Variants in MYO16 observed in about 807,000 individuals in gnomAD.
MYO16 encodes the protein myosin XVI, also known as unconventional myosin-XVI.
MYO16 carries 94 observed loss-of-function variants against 205.3 expected under a neutral mutation model. The observed-to-expected ratio is 0.46, with a 90% CI of 0.39 to 0.54. MYO16 has a LOEUF of 0.54. Among genes scored for constraint, MYO16 ranks in the 20% least tolerant of loss-of-function variants. The probability of loss-of-function intolerance (pLI) is 0.00; values close to 1 mark genes in which losing one functional copy is unlikely to be tolerated. For missense variants in MYO16, 2,315 were observed against 2,387.5 expected (o/e 0.97, Z 0.63); for synonymous variants, 988 against 954.0 (o/e 1.04, Z -0.66).
chr13:108,952,591 T>G (rs1326327437), intron 16 of MYO16, among the ~76,000 whole-genome samples: 2 of 152,216 alleles, frequency 1.3e-5, no homozygotes, highest in Non-Finnish European at 2.9e-5. Context: ...TAAACAGTAT[T>G]AATCCATCTG....
In MYO16 at chr13:108,823,252, C is replaced by G; in HGVS notation, c.1071C>G (p.His357Gln). The G allele has an allele frequency of 6.2e-7, 1 of 1,612,058 alleles. No individual in the cohort carries two copies. Among genetic ancestry groups the G allele is most frequent in the Non-Finnish European group, 8.5e-7 (1 of 1,178,790 alleles). Residue 357 changes from histidine (H) to glutamine (Q), a missense_variant, in exon 9 of 35, where the codon CAC (histidine) becomes CAG (glutamine). His to Gln is a conservative substitution (Grantham distance 24). This residue lies in a region of MYO16 where 1,213 missense variants were observed against 1,274.4 expected (regional missense o/e 0.95). Transcript: ENST00000457511. ...AQEEPYEEII[H>Q]DLPVLSSKLS... ...AAGAGCCCTATGAAGAGATCATTCA[C>G]GATCTTCCCGTACTGTCGAGTAAGC...
At chr13:108,662,277 G>A (rs1881536396) in intron 1 of MYO16, among the ~76,000 whole-genome samples, 1 of 152,216 alleles carries the variant, frequency 6.6e-6, no homozygotes, top group South Asian at 2.1e-4. Context: ...CCAGGAGGTG[G>A]CATTTTCCAG....
chr13:109,033,255 C>T lies in MYO16; in HGVS notation c.2796+13344C>T, dbSNP rs573536168. Among the ~76,000 whole-genome samples, 5 of 152,292 alleles carry T rather than the reference C, an allele frequency of 3.3e-5. No individual in the cohort carries two copies. The South Asian group carries it at 6.2e-4, about 19-fold the overall frequency. ...AGCCTGTGAGGCAGTGCACCACTGA[C>T]AAGCATGCTGAGACCCATTAGGCTC... is the stretch of plus-strand genomic sequence containing the variant. On this transcript the variant is annotated intron_variant, in intron 23 of 34. Transcript: ENST00000457511.
chr13:109,084,444 GA>G (rs1249098863), intron 27 of MYO16, among the ~76,000 whole-genome samples: 1 of 152,086 alleles, frequency 6.6e-6, no homozygotes, highest in Non-Finnish European at 1.5e-5. Flanking sequence ...AATTAGAAAT[GA>G]AAATAAGAAA....
At chr13:108,955,505 G>A (rs1883314082) in intron 16 of MYO16, among the ~76,000 whole-genome samples, 1 of 152,096 alleles carries the variant, frequency 6.6e-6, no homozygotes, top group South Asian at 2.1e-4. Context: ...CTTTGTCAAG[G>A]GCACAATTTC....
intron 21 of MYO16, among the ~76,000 whole-genome samples, chr13:109,008,594 ACTATCTTGTGTATGCACTACTGTACTAT>A (rs1566458209): frequency 9.3e-6 from 1 of 107,710 alleles, no homozygotes; most frequent in Non-Finnish European, 1.9e-5. Flanking sequence ...GCACTACTGT[ACTATCTTGTGTATGCACTACTGTACTAT>A]CTATCTTGTG....
the MYO16 span, among the ~76,000 whole-genome samples, chr13:108,534,902 CCTT>C: frequency 1.1e-4 from 17 of 148,748 alleles, no homozygotes; most frequent in South Asian, 2.2e-3. Flanking sequence ...TTCTTCTTCT[CCTT>C]CTTCTTCTCC....
intron 27 of MYO16, among the ~76,000 whole-genome samples, chr13:109,063,576 G>A (rs898554249): frequency 1.3e-5 from 2 of 152,156 alleles, no homozygotes; most frequent in African/African-American, 4.8e-5. Flanking sequence ...CAAGAATGTG[G>A]CTGGCACCTT....
At chr13:108,688,705 T>C (rs1215146359) in intron 2 of MYO16, among the ~76,000 whole-genome samples, 1 of 152,184 alleles carries the variant, frequency 6.6e-6, no homozygotes, top group Non-Finnish European at 1.5e-5. Context: ...CTGAACTTTT[T>C]ATGCAGGTGG....
chr13:108,636,697 GT>G (rs1186737872), intron 1 of MYO16, among the ~76,000 whole-genome samples: 2 of 151,760 alleles, frequency 1.3e-5, no homozygotes, highest in African/African-American at 4.8e-5. Flanking sequence ...TTTTATTTTT[GT>G]TTTGTTTTGT....
At chr13:108,786,622 G>A (rs1046767780) in intron 5 of MYO16, among the ~76,000 whole-genome samples, 2 of 152,130 alleles carry the variant, frequency 1.3e-5, no homozygotes, top group African/African-American at 2.4e-5. Flanking sequence ...TTGCTTTTAT[G>A]AAAAAGGTTT....
intron 3 of MYO16, among the ~76,000 whole-genome samples, chr13:108,721,576 A>G (rs1884164215): frequency 6.6e-6 from 1 of 152,212 alleles, no homozygotes; most frequent in Non-Finnish European, 1.5e-5. Context: ...GAAGGATGTC[A>G]TCATGGTCCC....
At chr13:108,753,628 CT>C (rs1317500515) in intron 4 of MYO16, among the ~76,000 whole-genome samples, 1 of 152,054 alleles carries the variant, frequency 6.6e-6, no homozygotes, top group Non-Finnish European at 1.5e-5. Context: ...AATGTATTTA[CT>C]TTTTAAATTC....
At chr13:108,872,521 CA>C (rs887637043) in intron 12 of MYO16, among the ~76,000 whole-genome samples, 5 of 151,768 alleles carry the variant, frequency 3.3e-5, no homozygotes, top group Admixed American at 3.3e-4. Flanking sequence ...CATTAAGAGA[CA>C]TATTTGTTTA....
At chr13:108,670,064 C>T (rs1375760810) in intron 2 of MYO16, among the ~76,000 whole-genome samples, 3 of 152,096 alleles carry the variant, frequency 2.0e-5, no homozygotes, top group Non-Finnish European at 4.4e-5. Flanking sequence ...ACTTTCTGCA[C>T]ATGTATCCCA....
chr13:108,953,221 T>C (rs1444551204), intron 16 of MYO16, among the ~76,000 whole-genome samples: 2 of 152,262 alleles, frequency 1.3e-5, no homozygotes, highest in African/African-American at 4.8e-5. Flanking sequence ...TATTTGTTAC[T>C]TTTATCTGTC....
intron 12 of MYO16, among the ~76,000 whole-genome samples, chr13:108,872,107 G>T (rs144220312): frequency 1.3e-5 from 2 of 152,166 alleles, no homozygotes; most frequent in African/African-American, 2.4e-5. Context: ...AGGGGTGGGA[G>T]GGGAAAGAGA....
the MYO16 span, among the ~76,000 whole-genome samples, chr13:108,518,937 T>C: frequency 2.3e-4 from 35 of 152,204 alleles, no homozygotes; most frequent in Non-Finnish European, 4.3e-4. Flanking sequence ...AATGGAATTA[T>C]ACATCTCTAT....
Position 108,871,356 on chromosome 13 carries a change from G to GTGTGTGTGTGTC in MYO16, c.1425+5121_1425+5122insGTGTCTGTGTGT, listed in dbSNP as rs775485613. Reference sequence around the variant, plus strand: ...TGTGTGTGTGTGTGTGTGTGTGTGTGTGTGTGTCTGTGTGTTGGTTTTACA... The same window carrying GTGTGTGTGTGTC: ...TGTGTGTGTGTGTGTGTGTGTGTGTGTGTGTGTGTGTCTGTGTGTCTGTGTGTTGGTTTTACA... On this transcript the variant is annotated intron_variant, in intron 12 of 34. Coordinates refer to ENST00000457511, the MANE Select transcript of MYO16 (RefSeq NM_001198950.3). 2.7e-3 allele frequency among the ~76,000 whole-genome samples: 345 copies of GTGTGTGTGTGTC among 127,722 alleles called. 1 individual carries two copies. The highest frequency in any genetic ancestry group is 9.1e-3 in the African/African-American group (327 of 36,072). The allele number at this position is 127,722 out of a possible 152,430, so 83.8% of individuals were successfully genotyped here. A position where few individuals can be genotyped will look rare whatever the true frequency, so the allele number is the denominator to read the frequency against.
Sources: gnomAD v4.1 joint callset for allele counts (sites outside exome capture counted in the v4.1 genomes callset) on GRCh38, gnomAD v4.1.1 for gene constraint, gnomAD v4.1.1 regional missense constraint, MANE v1.5 for transcripts, NCBI Gene and HGNC (gene_info 2026-07-23, HGNC 2026-07-21) for gene names.